Variants in SNX8 observed in about 807,000 individuals in gnomAD.
SNX8 encodes sorting nexin-8.
In SNX8, 25 loss-of-function variants were observed where a neutral mutation model predicts 51.6. The ratio of observed to expected loss-of-function variants is 0.48; its 90% CI spans 0.35 to 0.68. SNX8 has a LOEUF of 0.68. Ranked by LOEUF, SNX8 falls within the 30% of genes least tolerant of loss-of-function variation. The pLI is 0.00. For synonymous variants in SNX8, 324 were observed against 277.0 expected (o/e 1.17, Z -1.68); for missense variants, 695 against 624.0 (o/e 1.11, Z -1.21).
chr7:2,277,559 G>C (rs1255125569), intron 2 of SNX8, among the ~76,000 whole-genome samples: 1 of 152,094 alleles, frequency 6.6e-6, no homozygotes, highest in African/African-American at 2.4e-5. Flanking sequence ...CCAGCACTTT[G>C]GGAGGCCGAG....
chr7:2,351,047 T>G (rs1392278807), intron 1 of SNX8, among the ~76,000 whole-genome samples: 2 of 151,546 alleles, frequency 1.3e-5, no homozygotes, highest in Non-Finnish European at 2.9e-5. Flanking sequence ...AGCCTGGGAG[T>G]TTGAGGCTGC....
chr7:2,320,029 A>G (rs557661411), intron 1 of SNX8, among the ~76,000 whole-genome samples: 19 of 152,220 alleles, frequency 1.2e-4, no homozygotes, highest in African/African-American at 4.3e-4. Flanking sequence ...ATACAAGTAT[A>G]AAAGTACAAT....
chr7:2,344,115 G>T (rs1001177968), intron 1 of SNX8, among the ~76,000 whole-genome samples: 3 of 151,184 alleles, frequency 2.0e-5, no homozygotes, highest in East Asian at 2.0e-4. Flanking sequence ...GAGGCAGAAG[G>T]ATTCCTTGAA....
rs1796539483 is a variant in SNX8 at position 2,306,140 on chromosome 7, T to A, written c.94+8188A>T. On this transcript the variant is annotated intron_variant, in intron 1 of 10. Transcript: ENST00000222990. The stretch of plus-strand genomic sequence containing the variant: ...TGTGCCCAACCCGGGACAAGTCATT[T>A]TTTTGTTTGTTTTTTGTTTTTGAGA... Among the ~76,000 whole-genome samples the A allele has an allele frequency of 2.0e-5, 3 of 151,940 alleles. No individual in the cohort carries two copies. The South Asian group carries it at 6.3e-4, about 32-fold the overall frequency.
intron 1 of SNX8, among the ~76,000 whole-genome samples, chr7:2,349,630 T>C (rs888034702): frequency 6.6e-6 from 1 of 151,688 alleles, no homozygotes; most frequent in Non-Finnish European, 1.5e-5. Context: ...AAAGATGAGA[T>C]TTCACCATGT....
intron 1 of SNX8, chr7:2,307,877 T>C (rs1584727999): frequency 6.6e-6 from 1 of 152,288 alleles, no homozygotes; most frequent in Admixed American, 6.5e-5. Context: ...CTTTTTGTGA[T>C]GCTTTTCTCA....
chr7:2,275,011 T>C, intron 3 of SNX8, 101 bp downstream of exon 3: 1 of 822,374 alleles, frequency 1.2e-6, no homozygotes. Flanking sequence ...GCCCTGCACC[T>C]GCCCCGGTCT....
chr7:2,339,553 T>C (rs1778886264), intron 1 of SNX8, among the ~76,000 whole-genome samples: 1 of 152,140 alleles, frequency 6.6e-6, no homozygotes, highest in African/African-American at 2.4e-5. Flanking sequence ...TATTCACAGA[T>C]AGCAAAGATT....
At chr7:2,268,485 A>C (rs1360710557) in intron 5 of SNX8, among the ~76,000 whole-genome samples, 2 of 120,322 alleles carry the variant, frequency 1.7e-5, no homozygotes, top group East Asian at 2.9e-4. Context: ...CAGCCGCCCC[A>C]TCCGGGAGGG....
chr7:2,297,559 A>AAC (rs1338552613), intron 1 of SNX8, among the ~76,000 whole-genome samples: 6 of 146,510 alleles, frequency 4.1e-5, no homozygotes, highest in African/African-American at 1.5e-4. Context: ...GCAAAAAAAA[A>AAC]AAAAAAAAAA....
intron 1 of SNX8, among the ~76,000 whole-genome samples, chr7:2,351,321 T>C (rs941445030): frequency 3.3e-5 from 5 of 151,502 alleles, no homozygotes; most frequent in Admixed American, 6.6e-5. Flanking sequence ...GGAGGCAGAG[T>C]TGGGAGAACT....
rs891083451 is a variant in SNX8 at position 2,346,437 on chromosome 7, C to T, written c.-66+7785G>A. On this transcript the variant is annotated intron_variant, in intron 1 of 5. Coordinates refer to the SNX8 transcript ENST00000435336. ...CTCCAGCCTGGCTGAAAGAGCAAGA[C>T]TCTCAAAACGAAAAAAAAAAGGTGA... 2.1e-4 allele frequency among the ~76,000 whole-genome samples: 31 copies of T among 150,094 alleles called. 1 individual carries two copies. The highest frequency in any genetic ancestry group is 1.7e-3 in the Admixed American group (25 of 15,026).
At chr7:2,338,665 C>T (rs1778872361) in intron 1 of SNX8, among the ~76,000 whole-genome samples, 1 of 151,996 alleles carries the variant, frequency 6.6e-6, no homozygotes, top group South Asian at 2.1e-4. Flanking sequence ...GGAAGAAATA[C>T]AATGATTGCT....
At chr7:2,343,188 C>T (rs1583126490) in intron 1 of SNX8, among the ~76,000 whole-genome samples, 1 of 152,044 alleles carries the variant, frequency 6.6e-6, no homozygotes. Flanking sequence ...ACCTTGGCCT[C>T]CCAAAGTGCT....
chr7:2,273,116 G>A (rs1433264278), intron 3 of SNX8, among the ~76,000 whole-genome samples: 2 of 151,984 alleles, frequency 1.3e-5, no homozygotes, highest in Admixed American at 6.5e-5. Context: ...TTACAGGCAT[G>A]AGCCACCAGC....
chr7:2,257,866 C>A, intron 7 of SNX8, 63 bp from the exon 8 acceptor site: 1 of 1,504,728 alleles, frequency 6.6e-7, no homozygotes, highest in Non-Finnish European at 9.2e-7. Flanking sequence ...TGCCCGGGAA[C>A]TCAGACCCAA....
rs1027323693 is a variant in SNX8, at chr7:2,254,405, C to G, written c.*651G>C. ...CTCCGTCACGCCTTTGTCTTCCAGG[C>G]CTGGGCACACACAGGGTCATGGTGT... On this transcript the variant is annotated 3_prime_UTR_variant, in exon 11 of 11. Transcript: ENST00000222990. The G allele has an allele frequency of 1.3e-5, 2 of 154,170 alleles. No homozygotes were observed. Among genetic ancestry groups the G allele is most frequent in the African/African-American group, 4.8e-5 (2 of 41,470 alleles). 9.6% of individuals were successfully genotyped at this position (154,170 alleles called of 1,614,324 possible). A position where few individuals can be genotyped will look rare whatever the true frequency, so the allele number is the denominator to read the frequency against.
chr7:2,334,798 G>A (rs1200908491), intron 1 of SNX8, among the ~76,000 whole-genome samples: 1 of 142,508 alleles, frequency 7.0e-6, no homozygotes, highest in Non-Finnish European at 1.5e-5. Flanking sequence ...GATCCCAGAA[G>A]TTGAGGCTGC....
Position 2,286,358 on chromosome 7 carries a change from T to C in SNX8, c.95-8053A>G, listed in dbSNP as rs112157223. Reference sequence around the variant, plus strand: ...AAACTTTTCATAGCCTCAATTTCATTAACCTTTAGGTTTATTTTTAATACC... The same window carrying C: ...AAACTTTTCATAGCCTCAATTTCATCAACCTTTAGGTTTATTTTTAATACC... On this transcript the variant is annotated intron_variant, in intron 1 of 10. Transcript: ENST00000222990. Among the ~76,000 whole-genome samples, 1,085 of 152,184 alleles carry C rather than the reference T, an allele frequency of 7.1e-3. 11 individuals carry two copies. Among genetic ancestry groups the C allele is most frequent in the African/African-American group, 0.02 (815 of 41,518 alleles).
Sources: allele counts gnomAD v4.1 joint callset (sites outside exome capture counted in the v4.1 genomes callset), GRCh38; gene constraint gnomAD v4.1.1; transcripts MANE v1.5; gene names NCBI Gene and HGNC (gene_info 2026-07-23, HGNC 2026-07-21).